Variants in CRADD observed in about 807,000 individuals in gnomAD.
CRADD encodes the protein death domain-containing protein CRADD.
In CRADD, 9 loss-of-function variants were observed where a neutral mutation model predicts 15.5. That is an observed-to-expected ratio of 0.58 (90% CI 0.35 to 1.01). The LOEUF (loss-of-function observed/expected upper bound fraction) is 1.01. Among genes scored for constraint, CRADD ranks in the 50% least tolerant of loss-of-function variants. The probability of loss-of-function intolerance (pLI) is 0.02; values close to 1 mark genes in which losing one functional copy is unlikely to be tolerated. For missense variants in CRADD, 227 were observed against 250.3 expected, an observed-to-expected ratio of 0.91 and a Z score of 0.63; for synonymous variants, 118 against 107.6, an observed-to-expected ratio of 1.10 and a Z score of -0.60.
chr12:93,809,546 T>A (rs1399532716), intron 2 of CRADD, among the ~76,000 whole-genome samples: 1 of 152,196 alleles, frequency 6.6e-6, no homozygotes. Flanking sequence ...CCCTTCCTTC[T>A]GTCATGCTAT....
Position 93,850,357 on chromosome 12 carries a change from T to C in CRADD, c.*86T>C. The C allele has an allele frequency of 4.1e-6, 6 of 1,474,430 alleles. No individual in the cohort carries two copies. Among genetic ancestry groups the C allele is most frequent in the Non-Finnish European group, 5.4e-6 (6 of 1,118,740 alleles). 91.3% of individuals were successfully genotyped at this position (1,474,430 alleles called of 1,614,324 possible). A position where few individuals can be genotyped will look rare whatever the true frequency, so the allele number is the denominator to read the frequency against. The stretch of plus-strand genomic sequence containing the variant: ...TTCACTCAGAGCAGGTGGTTTTTTG[T>C]GTAGGTTTGTTTTTTATTTTTGATG... On this transcript the variant is annotated 3_prime_UTR_variant, in exon 3 of 3. Transcript: ENST00000332896. This position sits in a 1 kb window ranked among gnomAD's most constrained non-coding sequence, Gnocchi z 4.0.
intron 2 of CRADD, among the ~76,000 whole-genome samples, chr12:93,864,494 A>G (rs1958346938): frequency 6.6e-6 from 1 of 152,218 alleles, no homozygotes; most frequent in African/African-American, 2.4e-5. Flanking sequence ...TCCCATAAAC[A>G]TCATTTATTT....
At chr12:93,740,802 T>A (rs1331973853) in intron 2 of CRADD, among the ~76,000 whole-genome samples, 2 of 152,208 alleles carry the variant, frequency 1.3e-5, no homozygotes, top group African/African-American at 4.8e-5. Context: ...AAATAAAATG[T>A]CTATTTGCAG....
At chr12:93,768,299 G>A (rs1308970551) in intron 2 of CRADD, among the ~76,000 whole-genome samples, 1 of 152,158 alleles carries the variant, frequency 6.6e-6, no homozygotes, top group East Asian at 1.9e-4. Flanking sequence ...AGTCACAAAG[G>A]ATTCAACATT....
intron 2 of CRADD, among the ~76,000 whole-genome samples, chr12:93,698,810 A>G (rs1220054903): frequency 6.6e-6 from 1 of 152,218 alleles, no homozygotes; most frequent in East Asian, 1.9e-4. Flanking sequence ...TGATGTTTGA[A>G]AATCACATGA....
At chr12:93,778,499 A>G (rs1957164036) in intron 2 of CRADD, among the ~76,000 whole-genome samples, 2 of 152,262 alleles carry the variant, frequency 1.3e-5, no homozygotes, top group Non-Finnish European at 2.9e-5. Flanking sequence ...TAGAGATTTT[A>G]CTTTGTTTAT....
At chr12:93,779,023 C>CGATT (rs1957170950) in intron 2 of CRADD, among the ~76,000 whole-genome samples, 1 of 152,060 alleles carries the variant, frequency 6.6e-6, no homozygotes, top group South Asian at 2.1e-4. Flanking sequence ...GCCTGAACAA[C>CGATT]GATTATAGGT....
chr12:93,882,892 CTTTCCTTTCCA>C (rs1958512929), intron 2 of CRADD, among the ~76,000 whole-genome samples: 2 of 152,146 alleles, frequency 1.3e-5, no homozygotes, highest in Non-Finnish European at 1.5e-5. Context: ...CATTCTCTTC[CTTTCCTTTCCA>C]TTTCCTTTCC....
chr12:93,741,493 C>T lies in CRADD; in HGVS notation c.298+62421C>T, dbSNP rs112996491. ...ATCCTACTCCAGTAAAAACAATTTACTCTGTAAAATCCTGATACCTCATAG... is the reference window on the plus strand; with the variant it reads ...ATCCTACTCCAGTAAAAACAATTTATTCTGTAAAATCCTGATACCTCATAG... On this transcript the variant is annotated intron_variant, in intron 2 of 2. Coordinates refer to ENST00000332896, the MANE Select transcript of CRADD (RefSeq NM_003805.5). Among the ~76,000 whole-genome samples, 1,358 of 152,280 alleles carry T rather than the reference C, an allele frequency of 8.9e-3. 28 individuals carry two copies. Among genetic ancestry groups the T allele is most frequent in the African/African-American group, 0.031 (1,301 of 41,552 alleles).
chr12:93,691,767 A>ATAGT (rs1955579223), intron 2 of CRADD, among the ~76,000 whole-genome samples: 3 of 152,192 alleles, frequency 2.0e-5, no homozygotes, highest in Admixed American at 1.3e-4. Flanking sequence ...CTGTCACACT[A>ATAGT]GCTGGTCTGT....
At chr12:93,726,258 C>T (rs1592933546) in intron 2 of CRADD, among the ~76,000 whole-genome samples, 1 of 152,044 alleles carries the variant, frequency 6.6e-6, no homozygotes, top group Non-Finnish European at 1.5e-5. Flanking sequence ...CACCCACCAC[C>T]ATGCCCAGCT....
At chr12:93,763,369 T>C (rs1018965752) in intron 2 of CRADD, among the ~76,000 whole-genome samples, 1 of 117,196 alleles carries the variant, frequency 8.5e-6, no homozygotes, top group African/African-American at 2.7e-5. Flanking sequence ...ACTTCCTCTC[T>C]ATTAAAAAAA....
intron 2 of CRADD, among the ~76,000 whole-genome samples, chr12:93,809,363 G>C (rs1033491111): frequency 2.0e-5 from 3 of 152,206 alleles, no homozygotes; most frequent in African/African-American, 7.2e-5. Flanking sequence ...TCAGTTTGAG[G>C]AACATCGGTG....
At chr12:93,836,687 T>A (rs1957976360) in intron 2 of CRADD, among the ~76,000 whole-genome samples, 1 of 152,208 alleles carries the variant, frequency 6.6e-6, no homozygotes, top group Non-Finnish European at 1.5e-5. Flanking sequence ...CTATAGAGAA[T>A]AAAGCTAAGT....
chr12:93,791,647 A>G (rs1435747345), intron 2 of CRADD, among the ~76,000 whole-genome samples: 1 of 152,146 alleles, frequency 6.6e-6, no homozygotes, highest in African/African-American at 2.4e-5. Flanking sequence ...GTTTACTTCA[A>G]AATTGCTGAG....
At chr12:93,872,470 A>T (rs575816001) in intron 2 of CRADD, among the ~76,000 whole-genome samples, 1 of 152,034 alleles carries the variant, frequency 6.6e-6, no homozygotes, top group East Asian at 1.9e-4. Context: ...TGCTCAATAA[A>T]TTTTTGCCCA....
At chr12:93,711,807 G>A (rs1956080064) in intron 2 of CRADD, among the ~76,000 whole-genome samples, 1 of 150,508 alleles carries the variant, frequency 6.6e-6, no homozygotes, top group African/African-American at 2.5e-5. Flanking sequence ...CCAGGTTGGA[G>A]TGCAGTGGCA....
chr12:93,871,530 T>C (rs891491659), intron 2 of CRADD, among the ~76,000 whole-genome samples: 11 of 152,162 alleles, frequency 7.2e-5, no homozygotes, highest in Non-Finnish European at 1.5e-4. Flanking sequence ...TATTTTTGTG[T>C]CCATTAACTA....
intron 2 of CRADD, among the ~76,000 whole-genome samples, chr12:93,838,353 T>G (rs1163803019): frequency 6.6e-6 from 1 of 151,552 alleles, no homozygotes; most frequent in Non-Finnish European, 1.5e-5. Flanking sequence ...TTTTCCAGCC[T>G]GGAACAGCCC....
Sources: gnomAD v4.1 joint callset for allele counts (sites outside exome capture counted in the v4.1 genomes callset) on GRCh38, gnomAD v4.1.1 for gene constraint, Gnocchi (gnomAD v3.1) non-coding constraint, MANE v1.5 for transcripts, NCBI Gene and HGNC (gene_info 2026-07-23, HGNC 2026-07-21) for gene names.